PRKG1: variants seen among roughly 807,000 people sequenced by gnomAD.
PRKG1 encodes the protein cGMP-dependent protein kinase 1.
Under a neutral mutation model 88.1 loss-of-function variants are expected in PRKG1, and 35 were observed. That is an observed-to-expected ratio of 0.40 (90% CI 0.30 to 0.53). The LOEUF is 0.53. Among genes scored for constraint, PRKG1 ranks in the 20% least tolerant of loss-of-function variants. The probability of loss-of-function intolerance (pLI) is 0.59; values close to 1 mark genes in which losing one functional copy is unlikely to be tolerated. For missense variants in PRKG1, 540 were observed against 839.8 expected, an observed-to-expected ratio of 0.64 and a Z score of 4.41; for synonymous variants, 303 against 292.5, an observed-to-expected ratio of 1.04 and a Z score of -0.37.
intron 5 of PRKG1, among the ~76,000 whole-genome samples, chr10:51,962,683 G>A (rs910566678): frequency 2.0e-5 from 3 of 152,018 alleles, no homozygotes; most frequent in African/African-American, 7.3e-5. Flanking sequence ...ACCTTTCAAG[G>A]ACAGCATATT....
chr10:51,914,069 T>C (rs1409073390), intron 5 of PRKG1, among the ~76,000 whole-genome samples: 1 of 152,172 alleles, frequency 6.6e-6, no homozygotes, highest in African/African-American at 2.4e-5. Context: ...TAACTCATTT[T>C]CTTTCTTCTC....
chr10:51,923,990 G>A (rs550355138), intron 5 of PRKG1, among the ~76,000 whole-genome samples: 105 of 151,972 alleles, frequency 6.9e-4, no homozygotes, highest in African/African-American at 2.4e-3. Flanking sequence ...ATCACACCCA[G>A]CTAATTTTTA....
chr10:51,261,825 C>T (rs1010492194), intron 2 of PRKG1, among the ~76,000 whole-genome samples: 60 of 151,214 alleles, frequency 4.0e-4, no homozygotes, highest in African/African-American at 1.3e-3. Flanking sequence ...AGCTACTCAG[C>T]TTCAGCAGAG....
intron 2 of PRKG1, among the ~76,000 whole-genome samples, chr10:51,203,765 G>T (rs1221618794): frequency 6.6e-6 from 1 of 152,166 alleles, no homozygotes; most frequent in East Asian, 1.9e-4. Context: ...GAAATGATGT[G>T]AGTAATTTTC....
At chr10:52,078,072 TG>T (rs2133298661) in intron 7 of PRKG1, among the ~76,000 whole-genome samples, 1 of 152,344 alleles carries the variant, frequency 6.6e-6, no homozygotes, top group East Asian at 1.9e-4. Context: ...GCTTCCCATA[TG>T]GGGAAACATG....
At position 51,975,963 on chromosome 10, in the gene PRKG1, T is replaced by C. The variant is rs1207711775; in HGVS notation, c.762+68393T>C. 3.9e-5 allele frequency among the ~76,000 whole-genome samples: 6 copies of C among 152,114 alleles called. No individual in the cohort carries two copies. The East Asian group carries it at 9.6e-4, about 24-fold the overall frequency. Reference sequence around the variant, plus strand: ...TTAGAAACAGGGGAAAGAATTTGCATAAACATTTCAGCCAAGACAAAATAC... The same window carrying C: ...TTAGAAACAGGGGAAAGAATTTGCACAAACATTTCAGCCAAGACAAAATAC... On this transcript the variant is annotated intron_variant, in intron 5 of 17. Transcript: ENST00000373980.
chr10:51,468,113 T>C (rs919583162), intron 3 of PRKG1, among the ~76,000 whole-genome samples: 7 of 151,942 alleles, frequency 4.6e-5, no homozygotes, highest in African/African-American at 1.7e-4. Context: ...ATTTTATACA[T>C]TTGAATCAAA....
At chr10:51,545,439 A>G (rs1176898215) in intron 3 of PRKG1, among the ~76,000 whole-genome samples, 1 of 152,158 alleles carries the variant, frequency 6.6e-6, no homozygotes, top group African/African-American at 2.4e-5. Context: ...GTTAATAACC[A>G]GCTCTTTTCC....
chr10:51,436,486 C>T (rs1239148005), intron 2 of PRKG1, among the ~76,000 whole-genome samples: 2 of 151,750 alleles, frequency 1.3e-5, no homozygotes, highest in African/African-American at 2.4e-5. Context: ...TCCCAAGGTG[C>T]CTTGAGAAGG....
intron 3 of PRKG1, among the ~76,000 whole-genome samples, chr10:51,622,442 T>A (rs190224833): frequency 1.3e-5 from 2 of 152,310 alleles, no homozygotes; most frequent in East Asian, 3.9e-4. Context: ...CTTCTCTCAA[T>A]TTGAAAGACC....
At chr10:51,090,789 T>A (rs1397432937) in intron 1 of PRKG1, among the ~76,000 whole-genome samples, 1 of 152,192 alleles carries the variant, frequency 6.6e-6, no homozygotes, top group African/African-American at 2.4e-5. Flanking sequence ...AAAGACCCAC[T>A]GCTTTAATGA....
chr10:51,663,173 T>C (rs1840340795), intron 3 of PRKG1, among the ~76,000 whole-genome samples: 1 of 151,946 alleles, frequency 6.6e-6, no homozygotes, highest in African/African-American at 2.4e-5. Context: ...AAAGAGATTA[T>C]GGGGCCAGAT....
At chr10:51,694,939 A>G (rs1841247527) in intron 3 of PRKG1, among the ~76,000 whole-genome samples, 1 of 152,188 alleles carries the variant, frequency 6.6e-6, no homozygotes, top group South Asian at 2.1e-4. Context: ...ATTGTTTTTA[A>G]TAACCTGTTT....
intron 2 of PRKG1, among the ~76,000 whole-genome samples, chr10:51,175,391 C>A (rs1243213184): frequency 2.0e-5 from 3 of 151,970 alleles, no homozygotes; most frequent in Non-Finnish European, 2.9e-5. Flanking sequence ...TGAGTTTTTT[C>A]ACATAAGAAA....
At chr10:51,483,522 T>G (rs1840433601) in intron 3 of PRKG1, among the ~76,000 whole-genome samples, 1 of 152,248 alleles carries the variant, frequency 6.6e-6, no homozygotes, top group Non-Finnish European at 1.5e-5. Context: ...CTTCACTAAT[T>G]TGTCAGGTCT....
chr10:51,051,130 T>C (rs1329534202), intron 1 of PRKG1, among the ~76,000 whole-genome samples: 2 of 152,160 alleles, frequency 1.3e-5, no homozygotes, highest in African/African-American at 2.4e-5. Context: ...TTCTGTTGAT[T>C]GTTTTCTATG....
At chr10:51,930,371 A>T (rs2133001738) in intron 5 of PRKG1, among the ~76,000 whole-genome samples, 1 of 152,290 alleles carries the variant, frequency 6.6e-6, no homozygotes, top group African/African-American at 2.4e-5. Context: ...ACACTTAAAA[A>T]TGGTTAAGAT....
intron 7 of PRKG1, 50 bp downstream of exon 7, chr10:52,062,681 T>A: frequency 7.0e-7 from 1 of 1,436,426 alleles, no homozygotes; most frequent in Non-Finnish European, 9.7e-7. Context: ...CTACATAAAT[T>A]TCTGTCTGAA....
At chr10:51,911,369 A>G (rs913219283) in intron 5 of PRKG1, among the ~76,000 whole-genome samples, 2 of 151,544 alleles carry the variant, frequency 1.3e-5, no homozygotes, top group Non-Finnish European at 2.9e-5. Flanking sequence ...AAATTCTTTA[A>G]TCATTGTCTT....
Sources: allele counts gnomAD v4.1 joint callset (sites outside exome capture counted in the v4.1 genomes callset), GRCh38; gene constraint gnomAD v4.1.1; transcripts MANE v1.5; gene names NCBI Gene and HGNC (gene_info 2026-07-23, HGNC 2026-07-21).